The following TXNDC11 variants were observed in gnomAD, a reference collection of about 807,000 sequenced individuals.
The protein encoded by TXNDC11 is thioredoxin domain-containing protein 11.
TXNDC11 carries 68 observed loss-of-function variants against 78.0 expected under a neutral mutation model. The ratio of observed to expected loss-of-function variants is 0.87; its 90% confidence interval spans 0.72 to 1.07. TXNDC11 has a LOEUF of 1.07. TXNDC11 is among the 50% of genes least tolerant of loss of function. The pLI, the probability that TXNDC11 is intolerant of heterozygous loss-of-function variation, is 0.00. For synonymous variants in TXNDC11, 571 were observed against 495.2 expected (o/e 1.15, Z -2.03); for missense variants, 1,389 against 1,221.8 (o/e 1.14, Z -2.04).
At chr16:11,738,799 G>A (rs867928916) in intron 1 of TXNDC11, among the ~76,000 whole-genome samples, 3 of 152,266 alleles carry the variant, frequency 2.0e-5, no homozygotes, top group South Asian at 4.1e-4. Flanking sequence ...AGACAGAGGC[G>A]GGTGGATCAC....
intron 7 of TXNDC11, among the ~76,000 whole-genome samples, chr16:11,694,245 G>A (rs2050799121): frequency 6.6e-6 from 1 of 151,802 alleles, no homozygotes; most frequent in Non-Finnish European, 1.5e-5. Context: ...AGGTAGCTGG[G>A]ATTACAGGCA....
intron 5 of TXNDC11, among the ~76,000 whole-genome samples, chr16:11,704,894 A>G (rs980037530): frequency 1.4e-4 from 21 of 149,234 alleles, no homozygotes; most frequent in African/African-American, 5.2e-4. Context: ...GGACCGAACC[A>G]ATGTTAACTT....
chr16:11,687,547 T>C (rs908420421), intron 10 of TXNDC11, among the ~76,000 whole-genome samples: 1 of 152,212 alleles, frequency 6.6e-6, no homozygotes, highest in Non-Finnish European at 1.5e-5. Flanking sequence ...CTGGGGCAAC[T>C]GTCCCATGGT....
At chr16:11,712,090 GA>G (rs1025183911) in intron 5 of TXNDC11, among the ~76,000 whole-genome samples, 17 of 151,992 alleles carry the variant, frequency 1.1e-4, no homozygotes, top group African/African-American at 4.1e-4. Flanking sequence ...TTCCAAACAT[GA>G]AAAAAACAAA....
intron 5 of TXNDC11, among the ~76,000 whole-genome samples, chr16:11,703,006 G>A (rs1183590887): frequency 1.3e-5 from 2 of 152,178 alleles, no homozygotes; most frequent in African/African-American, 2.4e-5. Context: ...GGAAGGCAGG[G>A]CTGAGGAGGC....
chr16:11,716,039 T>TTATA (rs2051517443), intron 5 of TXNDC11, among the ~76,000 whole-genome samples: 1 of 152,206 alleles, frequency 6.6e-6, no homozygotes, highest in African/African-American at 2.4e-5. Flanking sequence ...AAATAAGGAT[T>TTATA]TATATACTTA....
At position 11,679,726 on chromosome 16, in the gene TXNDC11, G is replaced by C; in HGVS notation, c.2346C>G (p.Asn782Lys). The C allele has an allele frequency of 1.2e-6, 2 of 1,614,234 alleles. No homozygotes were observed. Among genetic ancestry groups the C allele is most frequent in the East Asian group, 2.2e-5 (1 of 44,878 alleles). The change falls in exon 12 of 12, where the codon AAC (asparagine) becomes AAG (lysine). Residue 782 changes from asparagine (N) to lysine (K), a missense_variant. Coordinates refer to ENST00000283033, the MANE Select transcript of TXNDC11 (RefSeq NM_015914.7). This position sits in a 1 kb window ranked among gnomAD's most constrained non-coding sequence, Gnocchi z 4.6. ...DPASSPQNVA[N>K]SPTKECLQSE... ...TCTGAAGACACTCCTTGGTAGGAGA[G>C]TTAGCCACATTCTGGGGGCTGGAAG...
intron 7 of TXNDC11, among the ~76,000 whole-genome samples, chr16:11,694,263 C>G (rs570897263): frequency 1.3e-5 from 2 of 151,918 alleles, no homozygotes; most frequent in African/African-American, 2.4e-5. Flanking sequence ...GCATGCATCA[C>G]GACACCCAGC....
At chr16:11,715,462 CAA>C (rs34233338) in intron 5 of TXNDC11, among the ~76,000 whole-genome samples, 57,496 of 135,254 alleles carry the variant, frequency 0.43, 12,131 homozygotes, top group Middle Eastern at 0.55. Context: ...CCTGTCACGG[CAA>C]AAAAAAAAAA....
rs561990741 is a variant in TXNDC11 at position 11,682,527 on chromosome 16, C to T, written c.2234+1638G>A. Among the ~76,000 whole-genome samples, 6 of 152,296 alleles carry T rather than the reference C, an allele frequency of 3.9e-5. No homozygotes were observed. In the South Asian group the frequency reaches 1.0e-3, roughly 26 times the overall value. ...TGACGCCCCACCCTGCCACCTGTTC[C>T]GCCTGTGTCTCTCTACACAGATGCA... On this transcript the variant is annotated intron_variant, in intron 11 of 11. Transcript: ENST00000283033.
rs768045992 is a variant in TXNDC11 at position 11,691,555 on chromosome 16, G to A, written c.1635C>T (p.Ala545=). Residue 545 remains alanine, a synonymous_variant, in exon 8 of 12, where the codon GCC becomes GCT. Transcript: ENST00000283033. ...CCTCAATGTGAGGAACGGAGCTTGG[G>A]GCATCAACCTCACATTTCTTCTCAA... is the stretch of plus-strand genomic sequence containing the variant. ...SSLEKKCEVD[A]PSSVPHIEEN... is the part of the protein sequence containing the mutation. The A allele has an allele frequency of 2.5e-6, 4 of 1,614,150 alleles. No individual in the cohort carries two copies. The highest frequency in any genetic ancestry group is 1.7e-6 in the Non-Finnish European group (2 of 1,180,030).
chr16:11,698,078 A>C, intron 7 of TXNDC11, 47 bp downstream of exon 7: 1 of 1,575,040 alleles, frequency 6.3e-7, no homozygotes, highest in Non-Finnish European at 8.7e-7. Context: ...CAGGTAGATG[A>C]GGCTTTCCTA....
At chr16:11,684,294 C>A in intron 10 of TXNDC11, 49 bp from the exon 11 acceptor site, 1 of 1,418,026 alleles carries the variant, frequency 7.1e-7, no homozygotes, top group East Asian at 2.3e-5. Flanking sequence ...CCAAGAAACA[C>A]CAACTTGAAA....
chr16:11,686,111 G>A (rs950097991), intron 10 of TXNDC11, among the ~76,000 whole-genome samples: 2 of 152,046 alleles, frequency 1.3e-5, no homozygotes, highest in South Asian at 2.1e-4. Flanking sequence ...GGCACGTGCC[G>A]CCACACTTGG....
chr16:11,712,529 A>AT (rs2051392899), intron 5 of TXNDC11, among the ~76,000 whole-genome samples: 5 of 152,326 alleles, frequency 3.3e-5, no homozygotes, highest in African/African-American at 1.2e-4. Context: ...TACATTCATC[A>AT]TTATAGCTAT....
At chr16:11,704,454 T>C (rs1309391806) in intron 5 of TXNDC11, among the ~76,000 whole-genome samples, 4 of 152,174 alleles carry the variant, frequency 2.6e-5, no homozygotes, top group Non-Finnish European at 5.9e-5. Flanking sequence ...TCCCCCAAGG[T>C]ATTTATTTAT....
chr16:11,705,379 A>G lies in TXNDC11; in HGVS notation c.794-4815T>C, dbSNP rs190835649. On this transcript the variant is annotated intron_variant, in intron 5 of 11. Transcript: ENST00000283033. ...AAACTTTGTTTAAAGGGCATGGCAT[A>G]TAAGTCCAGATCCCAAAGCTGTCAG... is the stretch of plus-strand genomic sequence containing the variant. Among the ~76,000 whole-genome samples, 259 of 152,368 alleles carry G rather than the reference A, an allele frequency of 1.7e-3. 1 individual carries two copies. The highest frequency in any genetic ancestry group is 6.1e-3 in the African/African-American group (253 of 41,596).
At chr16:11,736,463 G>A (rs951928475) in intron 1 of TXNDC11, among the ~76,000 whole-genome samples, 2 of 152,198 alleles carry the variant, frequency 1.3e-5, no homozygotes, top group African/African-American at 2.4e-5. Context: ...TGGAAGGGCA[G>A]TGGAGAGCAG....
At chr16:11,681,623 T>C (rs2050427736) in intron 11 of TXNDC11, among the ~76,000 whole-genome samples, 1 of 151,878 alleles carries the variant, frequency 6.6e-6, no homozygotes, top group Admixed American at 6.6e-5. Flanking sequence ...CTGTGATTCT[T>C]CCCCTGGGAC....
Sources: gnomAD v4.1 joint callset for allele counts (sites outside exome capture counted in the v4.1 genomes callset) on GRCh38, gnomAD v4.1.1 for gene constraint, Gnocchi (gnomAD v3.1) non-coding constraint, MANE v1.5 for transcripts, NCBI Gene and HGNC (gene_info 2026-07-23, HGNC 2026-07-21) for gene names.